Variants in TTLL5 observed in about 807,000 individuals in gnomAD.
The protein encoded by TTLL5 is tubulin tyrosine ligase like 5.
A neutral mutation model predicts 168.4 loss-of-function variants in TTLL5; 132 were observed. That is an observed-to-expected ratio of 0.78 (90% CI 0.68 to 0.91). The LOEUF (loss-of-function observed/expected upper bound fraction) is 0.91. TTLL5 is among the 40% of genes least tolerant of loss of function. The pLI, the probability that TTLL5 is intolerant of heterozygous loss-of-function variation, is 0.00. For missense variants in TTLL5, 1,545 were observed against 1,581.5 expected, an observed-to-expected ratio of 0.98 and a Z score of 0.39; for synonymous variants, 546 against 558.6, an observed-to-expected ratio of 0.98 and a Z score of 0.32.
intron 10 of TTLL5, 59 bp from the exon 11 acceptor site, chr14:75,719,676 C>G: frequency 7.0e-7 from 1 of 1,428,744 alleles, no homozygotes; most frequent in Non-Finnish European, 9.4e-7. Flanking sequence ...TGCAAAGAGT[C>G]TTGTTATTAT....
At chr14:75,896,649 A>C (rs1371942759) in intron 30 of TTLL5, among the ~76,000 whole-genome samples, 1 of 152,226 alleles carries the variant, frequency 6.6e-6, no homozygotes, top group Non-Finnish European at 1.5e-5. Context: ...AAACAGAAAT[A>C]ATATAGCAGC....
chr14:75,926,315 G>C (rs546015176), intron 31 of TTLL5, among the ~76,000 whole-genome samples: 6 of 151,888 alleles, frequency 4.0e-5, no homozygotes, highest in South Asian at 2.1e-4. Context: ...TTGCCAGTTC[G>C]TGTCTTTTAA....
At chr14:75,953,691 A>G (rs1239287630) in intron 31 of TTLL5, among the ~76,000 whole-genome samples, 1 of 152,154 alleles carries the variant, frequency 6.6e-6, no homozygotes, top group East Asian at 1.9e-4. Flanking sequence ...GGAGAAGGCA[A>G]AGTATTATCT....
intron 29 of TTLL5, among the ~76,000 whole-genome samples, chr14:75,872,467 A>G (rs905531001): frequency 6.6e-5 from 10 of 152,180 alleles, no homozygotes; most frequent in African/African-American, 2.4e-4. Flanking sequence ...ACTACTCAGT[A>G]CCTCTGCAAT....
chr14:75,709,323 C>G (rs8007792), intron 9 of TTLL5: 21 of 664,832 alleles, frequency 3.2e-5, no homozygotes, highest in Admixed American at 3.0e-4. Flanking sequence ...GTTTTTTTCA[C>G]ATGTATCCTA....
intron 15 of TTLL5, among the ~76,000 whole-genome samples, chr14:75,740,443 A>G (rs1204167930): frequency 6.6e-6 from 1 of 152,006 alleles, no homozygotes. Context: ...CTAAACTGGT[A>G]CCTCCTCAGT....
Position 75,844,283 on chromosome 14 carries a change from A to G in TTLL5, c.3327-19384A>G, listed in dbSNP as rs895101855. On this transcript the variant is annotated intron_variant, in intron 28 of 31. Transcript: ENST00000298832. The stretch of plus-strand genomic sequence containing the variant: ...TTGCCTATGTATGTTCAATTGCTCC[A>G]ACTTCATTTGTTAATACACAAATGG... 2.0e-5 allele frequency among the ~76,000 whole-genome samples: 3 copies of G among 152,194 alleles called. No homozygotes were observed. In the East Asian group the frequency reaches 5.8e-4, roughly 29 times the overall value.
At position 75,886,945 on chromosome 14, in the gene TTLL5, T is replaced by A. The variant is rs748454908; in HGVS notation, c.3740+4043T>A. The stretch of plus-strand genomic sequence containing the variant: ...ATTTGAAAGGGTGGGGCCAAAGATG[T>A]TGTAACCTGGGAGACTTCTCTGAAG... On this transcript the variant is annotated intron_variant, in intron 30 of 31. Transcript: ENST00000298832. 51 of 1,423,492 alleles carry A rather than the reference T, an allele frequency of 3.6e-5. 1 individual carries two copies. The highest frequency in any genetic ancestry group is 4.3e-5 in the Non-Finnish European group (47 of 1,097,234). The allele number at this position is 1,423,492 out of a possible 1,614,324, so 88.2% of individuals were successfully genotyped here.
At chr14:75,670,709 A>G (rs1428027526) in intron 3 of TTLL5, among the ~76,000 whole-genome samples, 1 of 151,840 alleles carries the variant, frequency 6.6e-6, no homozygotes, top group South Asian at 2.1e-4. Flanking sequence ...CCATTTGTGT[A>G]TTTTCTTTGG....
chr14:75,935,195 ACAAT>A (rs2034398763), intron 31 of TTLL5, among the ~76,000 whole-genome samples: 1 of 152,156 alleles, frequency 6.6e-6, no homozygotes, highest in African/African-American at 2.4e-5. Context: ...TGTTTGTCTA[ACAAT>A]CAGAGTCTAT....
At chr14:75,773,925 TATAGAGAGAG>T (rs1891509685) in intron 21 of TTLL5, among the ~76,000 whole-genome samples, 9 of 26,274 alleles carry the variant, frequency 3.4e-4, no homozygotes, top group African/African-American at 9.1e-4. Flanking sequence ...TATATATATA[TATAGAGAGAG>T]AGAGAGAGAG....
chr14:75,848,672 C>T (rs544412250), intron 28 of TTLL5, among the ~76,000 whole-genome samples: 1 of 152,302 alleles, frequency 6.6e-6, no homozygotes, highest in South Asian at 2.1e-4. Flanking sequence ...AAATAAAGAA[C>T]TGGATCAAAG....
intron 3 of TTLL5, among the ~76,000 whole-genome samples, chr14:75,669,803 C>A (rs532926980): frequency 6.6e-6 from 1 of 151,590 alleles, no homozygotes; most frequent in Non-Finnish European, 1.5e-5. Context: ...GTGTACAAGT[C>A]GTTGTTGTTT....
intron 27 of TTLL5, among the ~76,000 whole-genome samples, chr14:75,811,186 T>TGTGTGTGC (rs1893996519): frequency 8.3e-6 from 1 of 121,208 alleles, no homozygotes; most frequent in Non-Finnish European, 1.9e-5. Context: ...TGTGTGTGTG[T>TGTGTGTGC]GTATGTGTGT....
chr14:75,828,576 G>T (rs1895371018), intron 28 of TTLL5, among the ~76,000 whole-genome samples: 1 of 152,110 alleles, frequency 6.6e-6, no homozygotes, highest in Non-Finnish European at 1.5e-5. Context: ...TTTGTGGGGG[G>T]TCAGAAGTTG....
intron 9 of TTLL5, among the ~76,000 whole-genome samples, chr14:75,708,410 T>C (rs1393517857): frequency 6.6e-6 from 1 of 152,090 alleles, no homozygotes; most frequent in African/African-American, 2.4e-5. Context: ...CACTGCAAGC[T>C]CTGCCTCCAG....
chr14:75,937,926 C>G (rs1334218220), intron 31 of TTLL5, among the ~76,000 whole-genome samples: 1 of 152,162 alleles, frequency 6.6e-6, no homozygotes, highest in Non-Finnish European at 1.5e-5. Flanking sequence ...TTTTGAGGAA[C>G]CACCATCCTG....
intron 26 of TTLL5, among the ~76,000 whole-genome samples, chr14:75,791,105 C>CAAAAAAAAAAAAAAAAAAAAAA (rs372035829): frequency 1.9e-4 from 15 of 77,264 alleles, no homozygotes; most frequent in African/African-American, 9.9e-4. Flanking sequence ...GACTCTGTCT[C>CAAAAAAAAAAAAAAAAAAAAAA]AAAAAAAAAA....
At chr14:75,692,655 G>A (rs2059383) in intron 6 of TTLL5, among the ~76,000 whole-genome samples, 106,627 of 152,010 alleles carry the variant, frequency 0.7, 38,940 homozygotes, top group Non-Finnish European at 0.81. Context: ...GAGTAGAAAG[G>A]GTGCAAGAAC....
Sources: gnomAD v4.1 joint callset for allele counts (sites outside exome capture counted in the v4.1 genomes callset) on GRCh38, gnomAD v4.1.1 for gene constraint, MANE v1.5 for transcripts, NCBI Gene and HGNC (gene_info 2026-07-23, HGNC 2026-07-21) for gene names.